The following SMC1B variants were observed in gnomAD, a reference collection of about 807,000 sequenced individuals.
SMC1B encodes structural maintenance of chromosomes 1B.
SMC1B carries 60 observed loss-of-function variants against 157.9 expected under a neutral mutation model. The observed-to-expected ratio is 0.38, with a 90% CI of 0.31 to 0.47. The LOEUF is 0.47. Among genes scored for constraint, SMC1B ranks in the 20% least tolerant of loss-of-function variants. SMC1B has a pLI of 0.99. For synonymous variants in SMC1B, 445 were observed against 483.0 expected, an observed-to-expected ratio of 0.92 and a Z score of 1.03; for missense variants, 1,165 against 1,426.2, an observed-to-expected ratio of 0.82 and a Z score of 2.95.
intron 2 of SMC1B, 134 bp from the exon 3 acceptor site, chr22:45,406,999 C>T: frequency 1.7e-6 from 1 of 601,388 alleles, no homozygotes; most frequent in Non-Finnish European, 2.7e-6. Context: ...GGAATAAATG[C>T]ATTTAATGAG....
At chr22:45,356,654 T>C (rs1040705781) in intron 19 of SMC1B, among the ~76,000 whole-genome samples, 4 of 152,060 alleles carry the variant, frequency 2.6e-5, no homozygotes, top group African/African-American at 7.2e-5. Context: ...AATCAGCACT[T>C]TACCATAAGA....
At chr22:45,356,959 C>T (rs1036853436) in intron 19 of SMC1B, among the ~76,000 whole-genome samples, 1 of 152,108 alleles carries the variant, frequency 6.6e-6, no homozygotes, top group African/African-American at 2.4e-5. Flanking sequence ...TCTCGAACTC[C>T]TGACCTCAGG....
In SMC1B at chr22:45,383,612, G is replaced by A. The variant is rs1445411450; in HGVS notation, c.1913C>T (p.Thr638Ile). Residue 638 changes from threonine (T) to isoleucine (I), a missense_variant and splice_region_variant, in exon 12 of 25, where the codon ACA (threonine) becomes ATA (isoleucine). Thr to Ile is a moderately conservative substitution (Grantham distance 89). Coordinates refer to ENST00000357450, the MANE Select transcript of SMC1B (RefSeq NM_148674.5). ...IALSGPERQKTVALDGTLFLK... is the reference protein window; with the variant it reads ...IALSGPERQKIVALDGTLFLK... ...AAATAATGTTCCATCAAGAGCTACT[G>A]TCTGTAAAAGTAAAAATATTTTGCC... 2.5e-6 allele frequency: 4 copies of A among 1,580,224 alleles called. No individual in the cohort carries two copies. The highest frequency in any genetic ancestry group is 3.4e-6 in the Non-Finnish European group (4 of 1,170,898).
At chr22:45,379,276 C>T (rs764636581) in intron 12 of SMC1B, among the ~76,000 whole-genome samples, 3 of 152,372 alleles carry the variant, frequency 2.0e-5, no homozygotes, top group African/African-American at 4.8e-5. Context: ...AGGCGTGGGC[C>T]ACCATGCCCA....
intron 15 of SMC1B, among the ~76,000 whole-genome samples, chr22:45,369,641 C>T (rs1394760811): frequency 6.7e-6 from 1 of 148,944 alleles, no homozygotes; most frequent in Non-Finnish European, 1.5e-5. Flanking sequence ...CTCCTGGGTT[C>T]ACACCATTCT....
chr22:45,372,730 TGAGACAGAG>T (rs2086846688), intron 12 of SMC1B, among the ~76,000 whole-genome samples: 2 of 150,126 alleles, frequency 1.3e-5, no homozygotes, highest in Non-Finnish European at 3.0e-5. Flanking sequence ...TTTTTTTTTT[TGAGACAGAG>T]TCTTGCTCTG....
chr22:45,357,573 TTCTC>T (rs2086681664), intron 19 of SMC1B, among the ~76,000 whole-genome samples: 1 of 152,216 alleles, frequency 6.6e-6, no homozygotes, highest in South Asian at 2.1e-4. Flanking sequence ...TGTGAATCTC[TTCTC>T]TTCCCTTCCC....
chr22:45,406,843 A>G lies in SMC1B; in HGVS notation c.321T>C (p.Phe107=). The change falls in exon 3 of 25, where the codon TTT becomes TTC. Residue 107 remains phenylalanine, a synonymous_variant. Coordinates refer to ENST00000357450, the MANE Select transcript of SMC1B (RefSeq NM_148674.5). ...IIRGGCSEFR[F]NDNLVSRSVY... ...CAGAACGACTCACAAGATTATCATTAAAGCGAAATTCTGAGCATCCCCCTA... is the reference window on the plus strand; with the variant it reads ...CAGAACGACTCACAAGATTATCATTGAAGCGAAATTCTGAGCATCCCCCTA... The G allele has an allele frequency of 6.4e-7, 1 of 1,573,256 alleles. No homozygotes were observed. Among genetic ancestry groups the G allele is most frequent in the East Asian group, 2.3e-5 (1 of 44,270 alleles).
chr22:45,369,542 C>CTTTTT (rs136566), intron 15 of SMC1B, among the ~76,000 whole-genome samples: 4 of 110,750 alleles, frequency 3.6e-5, no homozygotes, highest in Non-Finnish European at 3.5e-5. Flanking sequence ...CTAGCTGTTT[C>CTTTTT]TTTTTTTTTT....
At chr22:45,362,045 T>C (rs113899540) in intron 16 of SMC1B, 61 bp from the exon 17 acceptor site, 26 of 1,514,556 alleles carry the variant, frequency 1.7e-5, no homozygotes, top group Middle Eastern at 1.7e-4. Context: ...GGTACTTCTA[T>C]GTTCTTATCA....
chr22:45,402,480 T>A lies in SMC1B; in HGVS notation c.707A>T (p.His236Leu), dbSNP rs760427314. 7 of 1,614,004 alleles carry A rather than the reference T, an allele frequency of 4.3e-6. No individual in the cohort carries two copies. Among genetic ancestry groups the A allele is most frequent in the Non-Finnish European group, 5.9e-6 (7 of 1,179,940 alleles). The change falls in exon 5 of 25, where the codon CAT becomes CTT. Residue 236 changes from histidine to leucine, a missense_variant. Coordinates refer to ENST00000357450, the MANE Select transcript of SMC1B (RefSeq NM_148674.5). ...ATGCTCTAACTTGGTGTTCAGGAGA[T>A]GAATCTTTTTCTCATTATGGTATAG... Reference protein sequence around the residue: ...FQLYHNEKKIHLLNTKLEHVN... With the variant: ...FQLYHNEKKILLLNTKLEHVN...
Position 45,371,584 on chromosome 22 carries a change from G to T in SMC1B, c.2200C>A (p.Gln734Lys). ...AGTAGTTCACTTTGTAACTGAGATT[G>T]TTCCTAATAACAAAAGAGAAAAATT... is the stretch of plus-strand genomic sequence containing the variant. ...KKHLVAFYQE[Q>K]SQLQSELLNI... is the part of the protein sequence containing the mutation. Residue 734 changes from glutamine (Q) to lysine (K), a missense_variant, in exon 14 of 25, where the codon CAA (glutamine) becomes AAA (lysine). By Grantham distance (53) the Gln-to-Lys change is moderately conservative. Coordinates refer to ENST00000357450, the MANE Select transcript of SMC1B (RefSeq NM_148674.5). 6.3e-7 allele frequency: 1 copy of T among 1,579,174 alleles called. No individual in the cohort carries two copies. The highest frequency in any genetic ancestry group is 1.2e-5 in the South Asian group (1 of 82,846).
intron 11 of SMC1B, among the ~76,000 whole-genome samples, chr22:45,385,372 A>C (rs774005067): frequency 1.3e-5 from 2 of 152,172 alleles, no homozygotes; most frequent in South Asian, 2.1e-4. Flanking sequence ...CATGGTATCA[A>C]GTATATAGAA....
At chr22:45,386,103 T>G (rs2086986681) in intron 11 of SMC1B, among the ~76,000 whole-genome samples, 1 of 152,058 alleles carries the variant, frequency 6.6e-6, no homozygotes, top group African/African-American at 2.4e-5. Flanking sequence ...GTAATATTAT[T>G]TCCCCAATTT....
intron 2 of SMC1B, among the ~76,000 whole-genome samples, chr22:45,407,816 CCT>C (rs982825962): frequency 2.0e-5 from 3 of 152,140 alleles, no homozygotes; most frequent in African/African-American, 4.8e-5. Flanking sequence ...TGCCTCTACC[CCT>C]GTCACATGTG....
At chr22:45,410,967 T>C (rs1030374371) in intron 1 of SMC1B, among the ~76,000 whole-genome samples, 3 of 152,190 alleles carry the variant, frequency 2.0e-5, no homozygotes, top group African/African-American at 7.2e-5. Context: ...AAGATAAACA[T>C]TCACTGAATT....
intron 23 of SMC1B, among the ~76,000 whole-genome samples, chr22:45,346,181 G>A (rs1318984777): frequency 6.6e-6 from 1 of 152,182 alleles, no homozygotes; most frequent in Non-Finnish European, 1.5e-5. Flanking sequence ...CTCCAGGCTG[G>A]GCGACAGAGT....
chr22:45,389,570 A>G (rs1602082265), intron 10 of SMC1B, 142 bp downstream of exon 10: 2 of 653,700 alleles, frequency 3.1e-6, no homozygotes, highest in East Asian at 5.4e-5. Context: ...AATATATTTA[A>G]CACCAGCCAT....
intron 15 of SMC1B, among the ~76,000 whole-genome samples, chr22:45,368,159 G>T (rs1033649939): frequency 6.6e-6 from 1 of 152,020 alleles, no homozygotes; most frequent in East Asian, 1.9e-4. Flanking sequence ...CATATCATAG[G>T]TATCTTAACT....
Sources: allele counts gnomAD v4.1 joint callset (sites outside exome capture counted in the v4.1 genomes callset), GRCh38; gene constraint gnomAD v4.1.1; transcripts MANE v1.5; gene names NCBI Gene and HGNC (gene_info 2026-07-23, HGNC 2026-07-21).